Variants in AQP9 observed in about 807,000 individuals in gnomAD.
AQP9 encodes aquaporin 9.
AQP9 carries 19 observed loss-of-function variants against 23.8 expected under a neutral mutation model. That is an observed-to-expected ratio of 0.80 (90% CI 0.56 to 1.17). The LOEUF (loss-of-function observed/expected upper bound fraction) is 1.17, where lower values mean the gene tolerates loss of function less well. Among genes scored for constraint, AQP9 ranks in the 50% most tolerant of loss-of-function variants. The probability of loss-of-function intolerance (pLI) is 0.00; values close to 1 mark genes in which losing one functional copy is unlikely to be tolerated. For synonymous variants in AQP9, 153 were observed against 131.5 expected (o/e 1.16, Z -1.12); for missense variants, 413 against 362.0 (o/e 1.14, Z -1.14).
intron 3 of AQP9, 73 bp from the exon 4 acceptor site, chr15:58,174,845 C>T: frequency 7.8e-7 from 1 of 1,282,158 alleles, no homozygotes. Flanking sequence ...GGTTGTTTAG[C>T]ACAAGGCTTG....
chr15:58,138,737 G>A, intron 1 of AQP9, 61 bp downstream of exon 1: 4 of 1,410,350 alleles, frequency 2.8e-6, no homozygotes, highest in Non-Finnish European at 4.0e-6. Context: ...TGCCAGGCTG[G>A]TAGTGGAGAG....
intron 1 of AQP9, among the ~76,000 whole-genome samples, chr15:58,161,731 T>C (rs1422033439): frequency 6.6e-6 from 1 of 152,220 alleles, no homozygotes; most frequent in African/African-American, 2.4e-5. Flanking sequence ...AAAACAATAA[T>C]ATCCTACCCT....
At chr15:58,173,586 G>A (rs1171588180) in intron 3 of AQP9, among the ~76,000 whole-genome samples, 1 of 152,130 alleles carries the variant, frequency 6.6e-6, no homozygotes, top group Non-Finnish European at 1.5e-5. Flanking sequence ...AAGGACTCTG[G>A]GAAGATGTCT....
chr15:58,144,247 G>A (rs1446070114), intron 1 of AQP9, among the ~76,000 whole-genome samples: 4 of 151,456 alleles, frequency 2.6e-5, no homozygotes, highest in Non-Finnish European at 5.9e-5. Context: ...TTCTTATTGA[G>A]GTTTAATATT....
Position 58,177,616 on chromosome 15 carries a change from A to T in AQP9, c.496-1512A>T, listed in dbSNP as rs1287789841. 2.6e-5 allele frequency among the ~76,000 whole-genome samples: 4 copies of T among 152,344 alleles called. No homozygotes were observed. In the South Asian group the frequency reaches 8.3e-4, roughly 32 times the overall value. ...CCTGATTCTTCTGCTTACAAGTTTG[A>T]CATTGGACAAGTGTCTTAACCTTGT... On this transcript the variant is annotated intron_variant, in intron 4 of 5. Transcript: ENST00000219919.
chr15:58,143,612 T>C (rs1352458045), intron 1 of AQP9, among the ~76,000 whole-genome samples: 1 of 152,238 alleles, frequency 6.6e-6, no homozygotes, highest in Non-Finnish European at 1.5e-5. Context: ...TATAAGAATA[T>C]ATATTATAGT....
rs534003465 is a variant in AQP9 at position 58,181,198 on chromosome 15, T to C, written c.713+1853T>C. On this transcript the variant is annotated intron_variant, in intron 5 of 5. Transcript: ENST00000219919. ...GAAGGAAAATGTTGGAATCACCTAA[T>C]GTCCCATGTCCTTAGCTAGCATCAG... Among the ~76,000 whole-genome samples the C allele has an allele frequency of 2.0e-5, 3 of 152,358 alleles. No homozygotes were observed. In the East Asian group the frequency reaches 5.8e-4, roughly 29 times the overall value.
At position 58,174,949 on chromosome 15, in the gene AQP9, G is replaced by A; in HGVS notation, c.408G>A (p.Leu136=). 6.2e-7 allele frequency: 1 copy of A among 1,614,168 alleles called. No homozygotes were observed. The highest frequency in any genetic ancestry group is 8.5e-7 in the Non-Finnish European group (1 of 1,179,988). The change falls in exon 4 of 6, where the codon CTG becomes CTA. Residue 136 remains leucine, a synonymous_variant. Transcript: ENST00000219919. ...DGLMSFAGGK[L]LIVGENATAH... is the part of the protein sequence containing the mutation. Reference sequence around the variant, plus strand: ...TTATGTCCTTTGCTGGTGGAAAACTGCTGATCGTGGGAGAAAATGCAACAG... The same window carrying A: ...TTATGTCCTTTGCTGGTGGAAAACTACTGATCGTGGGAGAAAATGCAACAG...
intron 1 of AQP9, chr15:58,153,432 G>T (rs1194264058): frequency 6.6e-6 from 1 of 151,968 alleles, no homozygotes; most frequent in Non-Finnish European, 1.5e-5. Flanking sequence ...TACATTATGT[G>T]TAGGGGCATC....
chr15:58,174,918 A>G lies in AQP9; in HGVS notation c.377A>G (p.Asp126Gly), dbSNP rs151034568. The G allele has an allele frequency of 8.1e-6, 13 of 1,613,458 alleles. No individual in the cohort carries two copies. The highest frequency in any genetic ancestry group is 2.2e-5 in the East Asian group (1 of 44,898). Residue 126 changes from aspartate to glycine, a missense_variant and splice_region_variant, in exon 4 of 6, where the codon GAT (aspartate) becomes GGT (glycine). Coordinates refer to ENST00000219919, the MANE Select transcript of AQP9 (RefSeq NM_020980.5). ...GAATVFGIYYDGLMSFAGGKL... is the reference protein window; with the variant it reads ...GAATVFGIYYGGLMSFAGGKL... The stretch of plus-strand genomic sequence containing the variant: ...TGTGCCAGAGCTTTCTCTTTCATAG[A>G]TGGACTTATGTCCTTTGCTGGTGGA...
chr15:58,150,627 A>G (rs1017018744), intron 1 of AQP9: 1 of 152,392 alleles, frequency 6.6e-6, no homozygotes, highest in African/African-American at 2.4e-5. Flanking sequence ...AATATTTGAA[A>G]AAGAGTAATT....
intron 2 of AQP9, among the ~76,000 whole-genome samples, chr15:58,169,675 T>C (rs901789213): frequency 6.6e-6 from 1 of 152,352 alleles, no homozygotes; most frequent in Admixed American, 6.5e-5. Context: ...CAGATATTTG[T>C]CTTTTAAATA....
chr15:58,175,114 G>A, intron 4 of AQP9, 78 bp downstream of exon 4: 5 of 1,270,404 alleles, frequency 3.9e-6, no homozygotes, highest in Non-Finnish European at 5.7e-6. Flanking sequence ...GAGAATTAGA[G>A]ACCAATCAGA....
chr15:58,179,200 G>A lies in AQP9; in HGVS notation c.568G>A (p.Gly190Ser). Residue 190 changes from glycine (G) to serine (S), a missense_variant, in exon 5 of 6, where the codon GGC (glycine) becomes AGC (serine). By Grantham distance (56) the Gly-to-Ser change is moderately conservative. Coordinates refer to ENST00000219919, the MANE Select transcript of AQP9 (RefSeq NM_020980.5). ...CTCCAGAAACTTGGGAGCCCCCAGA[G>A]GCCTAGAGCCCATTGCCATCGGCCT... ...FDSRNLGAPR[G>S]LEPIAIGLLI... 3 of 1,614,100 alleles carry A rather than the reference G, an allele frequency of 1.9e-6. No individual in the cohort carries two copies. The highest frequency in any genetic ancestry group is 2.2e-5 in the South Asian group (2 of 91,084).
rs1290548695 is a variant in AQP9, at chr15:58,184,334, A to AC, written c.*205dup. The AC allele has an allele frequency of 2.4e-6, 1 of 416,274 alleles. No individual in the cohort carries two copies. Among genetic ancestry groups the AC allele is most frequent in the Non-Finnish European group, 4.0e-6 (1 of 249,330 alleles). The allele number at this position is 416,274 out of a possible 1,614,324, so 25.8% of individuals were successfully genotyped here. On this transcript the variant is annotated 3_prime_UTR_variant, in exon 6 of 6. Coordinates refer to ENST00000219919, the MANE Select transcript of AQP9 (RefSeq NM_020980.5). The stretch of plus-strand genomic sequence containing the variant: ...TTCTCTACCATTGTCCCCCACCCCC[A>AC]CCCCCCAGAATAACGCTGACTGTCC...
chr15:58,140,260 G>A (rs1282551706), intron 1 of AQP9, among the ~76,000 whole-genome samples: 9 of 147,790 alleles, frequency 6.1e-5, no homozygotes, highest in African/African-American at 2.0e-4. Context: ...AGAAGAACCT[G>A]TTTCATAATC....
rs1898982541 is a variant in AQP9, at chr15:58,184,811, T to C, written c.*676T>C. 1 of 152,236 alleles carries C rather than the reference T, an allele frequency of 6.6e-6. No individual in the cohort carries two copies. 9.4% of individuals were successfully genotyped at this position (152,236 alleles called of 1,614,324 possible). A position where few individuals can be genotyped will look rare whatever the true frequency, so the allele number is the denominator to read the frequency against. ...TAATGGAAACCATTTATCAGATTAA[T>C]CTCTTGCTCTCCTGCATTTTAGAGG... On this transcript the variant is annotated 3_prime_UTR_variant, in exon 6 of 6. Transcript: ENST00000219919.
In AQP9 at chr15:58,138,643, C is replaced by T. The variant is rs1189795270; in HGVS notation, c.78C>T (p.Thr26=). Residue 26 remains threonine, a synonymous_variant, in exon 1 of 6, where the codon ACC becomes ACT. Coordinates refer to ENST00000219919, the MANE Select transcript of AQP9 (RefSeq NM_020980.5). ...LVLKSSLAKE[T]LSEFLGTFIL... is the part of the protein sequence containing the mutation. ...TGAAGAGCAGCTTAGCGAAAGAAAC[C>T]CTCTCTGAGTTCTTGGGCACGTTCA... 3 of 1,613,750 alleles carry T rather than the reference C, an allele frequency of 1.9e-6. No homozygotes were observed. The highest frequency in any genetic ancestry group is 1.1e-5 in the South Asian group (1 of 91,064).
chr15:58,172,045 A>AT (rs1207800221), intron 2 of AQP9, among the ~76,000 whole-genome samples: 2 of 152,158 alleles, frequency 1.3e-5, no homozygotes, highest in Non-Finnish European at 2.9e-5. Flanking sequence ...TTCTTTATTT[A>AT]TTTTTCTGCC....
Sources: allele counts gnomAD v4.1 joint callset (sites outside exome capture counted in the v4.1 genomes callset), GRCh38; gene constraint gnomAD v4.1.1; transcripts MANE v1.5; gene names NCBI Gene and HGNC (gene_info 2026-07-23, HGNC 2026-07-21).